SNX30: variants seen among roughly 807,000 people sequenced by gnomAD.
SNX30 encodes the protein sorting nexin family member 30, also known as sorting nexin-30.
A neutral mutation model predicts 46.4 loss-of-function variants in SNX30; 24 were observed. The observed-to-expected ratio is 0.52, with a 90% confidence interval of 0.37 to 0.73. The LOEUF (loss-of-function observed/expected upper bound fraction) is 0.73. Among genes scored for constraint, SNX30 ranks in the 30% least tolerant of loss-of-function variants. SNX30 has a pLI of 0.00. For missense variants in SNX30, 533 were observed against 555.7 expected (o/e 0.96, Z 0.41); for synonymous variants, 189 against 211.5 (o/e 0.89, Z 0.92).
chr9:112,812,988 A>C (rs1021097022), intron 2 of SNX30, among the ~76,000 whole-genome samples: 1 of 152,090 alleles, frequency 6.6e-6, no homozygotes, highest in African/African-American at 2.4e-5. Flanking sequence ...CTCTACTAAA[A>C]ATACAAAAAT....
chr9:112,820,797 T>G (rs1019191740), intron 3 of SNX30, among the ~76,000 whole-genome samples: 25 of 152,236 alleles, frequency 1.6e-4, no homozygotes, highest in African/African-American at 5.8e-4. Flanking sequence ...GTGATTTTTT[T>G]TGTTACTGGG....
chr9:112,786,194 C>T (rs866304898), intron 1 of SNX30, among the ~76,000 whole-genome samples: 3 of 151,564 alleles, frequency 2.0e-5, no homozygotes, highest in Middle Eastern at 3.2e-3. Flanking sequence ...CTTGGCTCAC[C>T]ACAGCCTTGA....
chr9:112,805,337 T>C (rs541034720), intron 2 of SNX30, among the ~76,000 whole-genome samples: 1 of 152,138 alleles, frequency 6.6e-6, no homozygotes, highest in South Asian at 2.1e-4. Flanking sequence ...AAATTTGGCC[T>C]AGGTGGGGTT....
At chr9:112,820,088 G>A (rs1268946191) in intron 3 of SNX30, among the ~76,000 whole-genome samples, 1 of 152,180 alleles carries the variant, frequency 6.6e-6, no homozygotes, top group Admixed American at 6.5e-5. Context: ...GAAACATAGT[G>A]TCTACTCTTC....
At chr9:112,811,570 T>A (rs1316673422) in intron 2 of SNX30, among the ~76,000 whole-genome samples, 4 of 152,080 alleles carry the variant, frequency 2.6e-5, no homozygotes, top group African/African-American at 9.6e-5. Context: ...GAAAAAAAAA[T>A]TTCCAGGGAT....
chr9:112,760,729 C>G (rs73546784), intron 1 of SNX30, among the ~76,000 whole-genome samples: 1,670 of 152,262 alleles, frequency 0.011, 26 homozygotes, highest in African/African-American at 0.037. Context: ...TTTGGTTTGC[C>G]ACTTGAAACT....
At chr9:112,881,241 T>C (rs1197541487) in intron 5 of SNX30, among the ~76,000 whole-genome samples, 1 of 152,212 alleles carries the variant, frequency 6.6e-6, no homozygotes, top group African/African-American at 2.4e-5. Flanking sequence ...GGTTCTAAGC[T>C]ACAGCGCAGC....
At position 112,830,883 on chromosome 9, in the gene SNX30, G is replaced by C; in HGVS notation, c.618G>C (p.Lys206Asn). Residue 206 changes from lysine to asparagine, a missense_variant and splice_region_variant, in exon 4 of 9, where the codon AAG becomes AAC. Physicochemically the swap from Lys to Asn is moderately conservative, Grantham distance 94. Transcript: ENST00000374232. ...ACTTTAATATTTTCCTTACTGCTAA[G>C]GTAAGGGCAGAAATTTACATCCTCT... is the stretch of plus-strand genomic sequence containing the variant. ...NEHFNIFLTA[K>N]DLNAYKKQGI... is the part of the protein sequence containing the mutation. 1 of 1,603,556 alleles carries C rather than the reference G, an allele frequency of 6.2e-7. No homozygotes were observed. The highest frequency in any genetic ancestry group is 8.5e-7 in the Non-Finnish European group (1 of 1,176,664).
downstream of SNX30, chr9:112,879,665 C>G (rs889421706): frequency 8.9e-7 from 1 of 1,126,792 alleles, no homozygotes; most frequent in African/African-American, 1.5e-5. Context: ...GTTTCTTAAG[C>G]AGTGGGTTGC....
chr9:112,797,777 C>T (rs1840133463), intron 1 of SNX30, among the ~76,000 whole-genome samples: 2 of 146,456 alleles, frequency 1.4e-5, no homozygotes, highest in African/African-American at 2.5e-5. Context: ...TGGCATGATC[C>T]CGGCTCACTG....
intron 1 of SNX30, among the ~76,000 whole-genome samples, chr9:112,786,795 G>A (rs138128586): frequency 0.011 from 1,650 of 152,148 alleles, 12 homozygotes; most frequent in Non-Finnish European, 0.015. Context: ...GAGCCACCAC[G>A]CCTGGCCCCT....
intron 1 of SNX30, among the ~76,000 whole-genome samples, chr9:112,786,465 C>A (rs1045511587): frequency 2.0e-5 from 3 of 151,800 alleles, no homozygotes; most frequent in Non-Finnish European, 2.9e-5. Context: ...TAGTTTATAG[C>A]TAAGTAAGGC....
intron 1 of SNX30, among the ~76,000 whole-genome samples, chr9:112,789,379 ACTTATT>A (rs1242863489): frequency 1.4e-4 from 22 of 152,236 alleles, no homozygotes; most frequent in Non-Finnish European, 2.5e-4. Context: ...TGGCAAGTCT[ACTTATT>A]CTTCTCAAGT....
intron 1 of SNX30, among the ~76,000 whole-genome samples, chr9:112,784,515 G>A (rs1369965916): frequency 3.3e-5 from 5 of 152,088 alleles, no homozygotes; most frequent in African/African-American, 7.2e-5. Context: ...TCCCCTGCCC[G>A]TGCCTTCTTT....
intron 2 of SNX30, among the ~76,000 whole-genome samples, chr9:112,808,667 C>T (rs570123267): frequency 1.3e-5 from 2 of 152,330 alleles, no homozygotes; most frequent in African/African-American, 4.8e-5. Context: ...CCTATACGCT[C>T]ACCAGCCAGA....
downstream of SNX30, among the ~76,000 whole-genome samples, chr9:112,876,516 C>T (rs1324107579): frequency 3.3e-5 from 5 of 152,044 alleles, no homozygotes; most frequent in East Asian, 3.8e-4. Context: ...CTTGGTTTCG[C>T]TTTAGGTTTG....
At position 112,768,647 on chromosome 9, in the gene SNX30, C is replaced by CTTCTTCTTCTTTTTT. The variant is rs1554748345; in HGVS notation, c.156+17492_156+17493insCTTCTTCTTTTTTTT. On this transcript the variant is annotated intron_variant, in intron 1 of 8. Coordinates refer to ENST00000374232, the MANE Select transcript of SNX30 (RefSeq NM_001012994.2). ...AAGTTTCTCTAGATAATTCTTTCTT[C>CTTCTTCTTCTTTTTT]TTTTTTTTTTTTTTTTTTTTTTTTT... Among the ~76,000 whole-genome samples the CTTCTTCTTCTTTTTT allele has an allele frequency of 5.9e-4, 38 of 64,352 alleles. 5 individuals are homozygous for CTTCTTCTTCTTTTTT. Among genetic ancestry groups the CTTCTTCTTCTTTTTT allele is most frequent in the Middle Eastern group, 7.5e-3 (1 of 134 alleles). The allele number at this position is 64,352 out of a possible 152,430, so 42.2% of individuals were successfully genotyped here. A position where few individuals can be genotyped will look rare whatever the true frequency, so the allele number is the denominator to read the frequency against.
intron 7 of SNX30, among the ~76,000 whole-genome samples, chr9:112,851,781 A>T (rs1320143911): frequency 6.6e-6 from 1 of 152,086 alleles, no homozygotes; most frequent in Non-Finnish European, 1.5e-5. Flanking sequence ...GGAAGTGAGG[A>T]GTGCTGATTG....
intron 4 of SNX30, among the ~76,000 whole-genome samples, chr9:112,834,117 C>T (rs1199071248): frequency 7.6e-6 from 1 of 131,782 alleles, no homozygotes; most frequent in African/African-American, 2.9e-5. Flanking sequence ...CAGGCAACAA[C>T]AGTTGTCATC....
Sources: allele counts gnomAD v4.1 joint callset (sites outside exome capture counted in the v4.1 genomes callset), GRCh38; gene constraint gnomAD v4.1.1; transcripts MANE v1.5; gene names NCBI Gene and HGNC (gene_info 2026-07-23, HGNC 2026-07-21).